Variants in IGFL2 observed in about 807,000 individuals in gnomAD.
IGFL2 encodes the protein IGF like family member 2.
Under a neutral mutation model 13.9 loss-of-function variants are expected in IGFL2, and 7 were observed. That is an observed-to-expected ratio of 0.51 (90% CI 0.29 to 0.95). IGFL2 has a LOEUF of 0.95. IGFL2 is among the 40% of genes least tolerant of loss of function. The pLI is 0.08. For synonymous variants in IGFL2, 55 were observed against 55.8 expected, an observed-to-expected ratio of 0.99 and a Z score of 0.07; for missense variants, 138 against 147.8, an observed-to-expected ratio of 0.93 and a Z score of 0.34.
At chr19:46,158,959 G>C (rs1973978914) in intron 1 of IGFL2, 1 of 152,196 alleles carries the variant, frequency 6.6e-6, no homozygotes, top group Admixed American at 6.5e-5. Context: ...CTTCCTCATA[G>C]GCATTGGTTT....
At chr19:46,192,442 T>TG in the IGFL2 span, among the ~76,000 whole-genome samples, 1 of 150,702 alleles carries the variant, frequency 6.6e-6, no homozygotes, top group Non-Finnish European at 1.5e-5. Context: ...TTTTTTGAAA[T>TG]GGAGTCTCGC....
chr19:46,123,437 A>G, the IGFL2 span, among the ~76,000 whole-genome samples: 1 of 151,016 alleles, frequency 6.6e-6, no homozygotes, highest in Non-Finnish European at 1.5e-5. Context: ...AGTAAGGAAA[A>G]AATTATAATT....
the IGFL2 span, chr19:46,124,588 G>C: frequency 1.9e-6 from 3 of 1,579,728 alleles, no homozygotes; most frequent in South Asian, 3.3e-5. Flanking sequence ...CACTGGGAAT[G>C]AGATGAGATG....
chr19:46,105,051 C>T, the IGFL2 span, among the ~76,000 whole-genome samples: 6 of 152,158 alleles, frequency 3.9e-5, no homozygotes, highest in East Asian at 1.9e-4. Flanking sequence ...TCAGCATAAG[C>T]GTTGCCCTAA....
the IGFL2 span, chr19:46,208,426 A>G: frequency 8.5e-5 from 13 of 152,268 alleles, no homozygotes; most frequent in African/African-American, 3.1e-4. Context: ...AGGGATGGGA[A>G]TGAGGCCAGG....
At chr19:46,183,460 G>C in the IGFL2 span, among the ~76,000 whole-genome samples, 594 of 150,712 alleles carry the variant, frequency 3.9e-3, 2 homozygotes, top group African/African-American at 0.012. Flanking sequence ...CTGGGCCTCA[G>C]CCTACCCCTC....
the IGFL2 span, among the ~76,000 whole-genome samples, chr19:46,172,728 T>TA: frequency 6.4e-4 from 97 of 151,606 alleles, no homozygotes; most frequent in African/African-American, 1.4e-3. Flanking sequence ...TATATATATA[T>TA]TTTTTTTCAG....
chr19:46,083,533 T>C, the IGFL2 span, among the ~76,000 whole-genome samples: 2 of 152,316 alleles, frequency 1.3e-5, no homozygotes, highest in African/African-American at 4.8e-5. Flanking sequence ...GGAGGTGCGA[T>C]GAGAGAATAC....
chr19:46,138,751 G>A (rs1972720033), upstream of IGFL2, among the ~76,000 whole-genome samples: 2 of 152,162 alleles, frequency 1.3e-5, no homozygotes, highest in Admixed American at 1.3e-4. Context: ...AGATGTGGCG[G>A]GTAGGGAACT....
At chr19:46,143,181 C>T (rs1568419339), upstream of IGFL2, 1 of 152,220 alleles carries the variant, frequency 6.6e-6, no homozygotes. Flanking sequence ...GGATGAAGAC[C>T]TTTATGATGA....
the IGFL2 span, among the ~76,000 whole-genome samples, chr19:46,135,258 A>T: frequency 6.6e-6 from 1 of 152,256 alleles, no homozygotes; most frequent in Non-Finnish European, 1.5e-5. Flanking sequence ...TTGTCCCCTC[A>T]TGTCCACTTC....
the IGFL2 span, among the ~76,000 whole-genome samples, chr19:46,100,492 G>A: frequency 6.6e-6 from 1 of 152,178 alleles, no homozygotes; most frequent in Non-Finnish European, 1.5e-5. Context: ...GGACATAAAA[G>A]GGGCAGAGGA....
chr19:46,123,109 A>G, the IGFL2 span, among the ~76,000 whole-genome samples: 1 of 150,912 alleles, frequency 6.6e-6, no homozygotes, highest in South Asian at 2.1e-4. Context: ...AATTATTCCA[A>G]CAGCTACAGG....
chr19:46,083,131 C>CT, the IGFL2 span, among the ~76,000 whole-genome samples: 1 of 152,050 alleles, frequency 6.6e-6, no homozygotes, highest in Non-Finnish European at 1.5e-5. Flanking sequence ...TTAGTTTTTC[C>CT]TTAACATATA....
At chr19:46,127,274 C>T in the IGFL2 span, among the ~76,000 whole-genome samples, 9 of 152,192 alleles carry the variant, frequency 5.9e-5, no homozygotes, top group East Asian at 1.5e-3. Flanking sequence ...CCTGCAGTCC[C>T]AGCTACTCGG....
chr19:46,174,539 T>G, the IGFL2 span, among the ~76,000 whole-genome samples: 3 of 152,176 alleles, frequency 2.0e-5, no homozygotes, highest in Non-Finnish European at 4.4e-5. Context: ...AAACTGGATG[T>G]TGGTGGGAAA....
chr19:46,118,072 A>T, the IGFL2 span, among the ~76,000 whole-genome samples: 3 of 152,206 alleles, frequency 2.0e-5, no homozygotes, highest in African/African-American at 7.2e-5. Context: ...TAGGGTGGGC[A>T]TCCTTTTCTT....
chr19:46,087,088 A>C, the IGFL2 span, among the ~76,000 whole-genome samples: 3 of 152,216 alleles, frequency 2.0e-5, no homozygotes, highest in African/African-American at 7.2e-5. Flanking sequence ...AGGTCCAGGC[A>C]GGCCAATCGT....
At chr19:46,212,371 C>T in the IGFL2 span, 11 of 152,370 alleles carry the variant, frequency 7.2e-5, no homozygotes, top group African/African-American at 2.2e-4. Context: ...ACAGATCTGA[C>T]CACATACATC....
Sources: allele counts gnomAD v4.1 joint callset (sites outside exome capture counted in the v4.1 genomes callset), GRCh38; gene constraint gnomAD v4.1.1; transcripts MANE v1.5; gene names NCBI Gene and HGNC (gene_info 2026-07-23, HGNC 2026-07-21).